The following NUMA1 variants were observed in gnomAD, a reference collection of about 807,000 sequenced individuals.
The protein encoded by NUMA1 is SP-H antigen.
NUMA1 carries 62 observed loss-of-function variants against 237.1 expected under a neutral mutation model. That is an observed-to-expected ratio of 0.26 (90% confidence interval 0.21 to 0.32). The LOEUF is 0.32. NUMA1 is among the 10% of genes least tolerant of loss of function. NUMA1 has a pLI of 1.00. For missense variants in NUMA1, 2,533 were observed against 2,666.5 expected (o/e 0.95, Z 1.10); for synonymous variants, 1,028 against 1,066.1 (o/e 0.96, Z 0.70).
intron 2 of NUMA1, among the ~76,000 whole-genome samples, chr11:72,044,931 C>T (rs1207522827): frequency 6.6e-6 from 1 of 152,098 alleles, no homozygotes; most frequent in Non-Finnish European, 1.5e-5. Context: ...CTCCCAAGTG[C>T]TGGATTACAG....
intron 3 of NUMA1, among the ~76,000 whole-genome samples, chr11:72,031,896 G>A (rs779239394): frequency 3.3e-5 from 5 of 151,786 alleles, no homozygotes; most frequent in Admixed American, 6.6e-5. Flanking sequence ...TTGGGAGGAC[G>A]AGGAGGGAGA....
chr11:72,046,269 G>A (rs189569821), intron 2 of NUMA1, among the ~76,000 whole-genome samples: 9 of 152,360 alleles, frequency 5.9e-5, no homozygotes, highest in Admixed American at 3.9e-4. Flanking sequence ...GAAGGGCCGG[G>A]CACGGTGGCT....
At chr11:72,005,567 C>G (rs1955629521) in intron 22 of NUMA1, 198 bp from the exon 23 acceptor site, 2 of 567,944 alleles carry the variant, frequency 3.5e-6, no homozygotes, top group Non-Finnish European at 6.1e-6. Flanking sequence ...CACCTTCTCC[C>G]TGGAGAGGGC....
intron 20 of NUMA1, chr11:72,007,757 A>G (rs1955844887): frequency 2.5e-6 from 1 of 404,226 alleles, no homozygotes; most frequent in Non-Finnish European, 4.6e-6. Context: ...TGCATCTCCC[A>G]TTTCAGTGAA....
At chr11:72,035,493 C>T (rs1470514144) in intron 3 of NUMA1, among the ~76,000 whole-genome samples, 4 of 149,646 alleles carry the variant, frequency 2.7e-5, no homozygotes, top group East Asian at 2.0e-4. Flanking sequence ...CAGCAACCTC[C>T]GCCTCCCGGG....
chr11:72,045,316 G>A (rs568963073), intron 2 of NUMA1, among the ~76,000 whole-genome samples: 5 of 151,824 alleles, frequency 3.3e-5, no homozygotes, highest in Middle Eastern at 3.2e-3. Context: ...CTTCTTCCAG[G>A]CCCTGTAAGC....
chr11:72,055,734 G>A (rs1243083039), intron 2 of NUMA1, among the ~76,000 whole-genome samples: 1 of 151,726 alleles, frequency 6.6e-6, no homozygotes. Context: ...AATCCCAATG[G>A]CTCAGGAGGC....
At chr11:72,072,306 C>G (rs1943488005) in intron 1 of NUMA1, 1 of 154,706 alleles carries the variant, frequency 6.5e-6, no homozygotes, top group South Asian at 2.0e-4. Context: ...CCACCGGGTA[C>G]CAAAAATTTG....
At chr11:72,049,054 C>T (rs181134337) in intron 2 of NUMA1, among the ~76,000 whole-genome samples, 104 of 152,264 alleles carry the variant, frequency 6.8e-4, no homozygotes, top group Admixed American at 2.3e-3. Flanking sequence ...TTCATTATAA[C>T]ATCCAACAGG....
chr11:72,052,557 G>A (rs1942426908), intron 2 of NUMA1, among the ~76,000 whole-genome samples: 1 of 152,114 alleles, frequency 6.6e-6, no homozygotes, highest in South Asian at 2.1e-4. Flanking sequence ...CATGAGGTCA[G>A]GAGATTGAGA....
intron 2 of NUMA1, among the ~76,000 whole-genome samples, chr11:72,043,258 G>C (rs988621234): frequency 1.3e-5 from 2 of 151,824 alleles, no homozygotes; most frequent in Non-Finnish European, 2.9e-5. Context: ...CCAGCACTTT[G>C]AGAGGCCAGC....
intron 3 of NUMA1, among the ~76,000 whole-genome samples, chr11:72,030,104 G>A (rs527813377): frequency 6.6e-6 from 1 of 152,242 alleles, no homozygotes; most frequent in East Asian, 1.9e-4. Context: ...GGAGGCTGAG[G>A]CGGGAAGATC....
rs751015388 is a variant in NUMA1 at position 72,013,536 on chromosome 11, C to A, written c.3967G>T (p.Glu1323Ter). ...GCCTTCAATTCTTGGCCCAGCTCCT[C>A]CGCACGCTCAGCCTGTGAGGTCAGC... The part of the protein sequence containing the change: ...QELTSQAERA[E>*]ELGQELKAWQ... Residue 1323 changes from glutamate (E) to a stop codon, truncating the protein, a stop_gained, in exon 15 of 27, where the codon GAG (glutamate) becomes TAG (stop). Coordinates refer to ENST00000393695, the MANE Select transcript of NUMA1 (RefSeq NM_006185.4). LOFTEE classifies it high-confidence loss of function. This position sits in a 1 kb window ranked among gnomAD's most constrained non-coding sequence, Gnocchi z 6.8. 6.2e-7 allele frequency: 1 copy of A among 1,613,576 alleles called. No homozygotes were observed.
At chr11:72,078,100 C>T (rs1446252893) in intron 1 of NUMA1, among the ~76,000 whole-genome samples, 1 of 152,196 alleles carries the variant, frequency 6.6e-6, no homozygotes, top group Non-Finnish European at 1.5e-5. Flanking sequence ...GGGCTCAAGC[C>T]ATTCTCCCGC....
chr11:72,027,040 G>C (rs6592457), intron 4 of NUMA1, among the ~76,000 whole-genome samples: 143,235 of 152,260 alleles, frequency 0.94, 67,549 homozygotes, highest in Non-Finnish European at 0.98. Flanking sequence ...AAATTTCCTA[G>C]CAGGTTATAA....
In NUMA1 at chr11:72,010,774, C is replaced by T. The variant is rs1956103482; in HGVS notation, c.4719+12G>A. The T allele has an allele frequency of 6.2e-7, 1 of 1,612,630 alleles. No individual in the cohort carries two copies. Among genetic ancestry groups the T allele is most frequent in the Admixed American group, 1.7e-5 (1 of 60,000 alleles). On this transcript the variant is annotated intron_variant, in intron 17 of 26. Transcript: ENST00000393695. ...TGTCCAGAGGCCAGACCCATTCCCC[C>T]AGCTGCCCCACCTTCAGCTTCTGCT...
intron 1 of NUMA1, among the ~76,000 whole-genome samples, chr11:72,070,725 T>C (rs529232380): frequency 1.3e-5 from 2 of 152,134 alleles, no homozygotes; most frequent in Non-Finnish European, 2.9e-5. Flanking sequence ...GCTGAGACCG[T>C]GCCACTGGAC....
At chr11:72,017,535 C>G in intron 13 of NUMA1, 152 bp downstream of exon 13, 2 of 950,978 alleles carry the variant, frequency 2.1e-6, no homozygotes. Flanking sequence ...GTGTACTAGA[C>G]TGAAGCCCAC....
intron 13 of NUMA1, 33 bp from the exon 14 acceptor site, chr11:72,016,563 G>C (rs150792074): frequency 1.9e-6 from 3 of 1,605,990 alleles, no homozygotes; most frequent in African/African-American, 1.3e-5. Flanking sequence ...TGAACAGAGA[G>C]GGGGAACAGG....
Sources: gnomAD v4.1 joint callset for allele counts (sites outside exome capture counted in the v4.1 genomes callset) on GRCh38, gnomAD v4.1.1 for gene constraint, Gnocchi (gnomAD v3.1) non-coding constraint, MANE v1.5 for transcripts, NCBI Gene and HGNC (gene_info 2026-07-23, HGNC 2026-07-21) for gene names.